The following QTGAL variants were observed in gnomAD, a reference collection of about 807,000 sequenced individuals.
The protein encoded by QTGAL is BGnT-like protein 1.
At chr17:83,038,750 T>G in the QTGAL span, among the ~76,000 whole-genome samples, 2 of 151,960 alleles carry the variant, frequency 1.3e-5, no homozygotes, top group Non-Finnish European at 2.9e-5. Flanking sequence ...TCCCAGCTAC[T>G]TGGGAGGCTG....
chr17:83,006,170 A>T, the QTGAL span: 1 of 986,420 alleles, frequency 1.0e-6, no homozygotes, highest in Non-Finnish European at 1.2e-6. The surrounding 1 kb of genome is among the most constrained non-coding windows in gnomAD (Gnocchi z 5.8). Context: ...AGGAGACAAT[A>T]GTGAAAATGT....
the QTGAL span, among the ~76,000 whole-genome samples, chr17:83,007,660 T>C: frequency 6.6e-6 from 1 of 152,110 alleles, no homozygotes; most frequent in African/African-American, 2.4e-5. Flanking sequence ...CGGGGGCTGA[T>C]TGACGCCTGC....
the QTGAL span, among the ~76,000 whole-genome samples, chr17:82,979,126 G>A: frequency 6.6e-6 from 1 of 152,002 alleles, no homozygotes; most frequent in African/African-American, 2.4e-5. Flanking sequence ...AAACAATCAG[G>A]CAGAAATGAA....
the QTGAL span, among the ~76,000 whole-genome samples, chr17:82,957,965 G>T: frequency 6.6e-6 from 1 of 152,118 alleles, no homozygotes; most frequent in Non-Finnish European, 1.5e-5. Flanking sequence ...CCTCTGCTGT[G>T]ACAAGTCGAC....
chr17:83,022,347 G>A, the QTGAL span, among the ~76,000 whole-genome samples: 1 of 110,226 alleles, frequency 9.1e-6, no homozygotes, highest in South Asian at 3.8e-4. Flanking sequence ...CTGCACCAGC[G>A]TGAACTCACG....
At chr17:83,048,383 A>T in the QTGAL span, 1 of 1,203,034 alleles carries the variant, frequency 8.3e-7, no homozygotes. Context: ...ACTTTTTGTC[A>T]GTATTTGAAC....
chr17:83,045,112 T>G, the QTGAL span, among the ~76,000 whole-genome samples: 4,644 of 152,256 alleles, frequency 0.031, 246 homozygotes, highest in African/African-American at 0.11. Flanking sequence ...AGGTCAACAC[T>G]AAGAGAAATC....
chr17:83,021,783 T>A, the QTGAL span, among the ~76,000 whole-genome samples: 1 of 152,236 alleles, frequency 6.6e-6, no homozygotes, highest in African/African-American at 2.4e-5. Context: ...ACACTGTAGC[T>A]TTATTACTGC....
chr17:83,032,859 T>C, the QTGAL span, among the ~76,000 whole-genome samples: 6 of 152,288 alleles, frequency 3.9e-5, no homozygotes, highest in Admixed American at 3.3e-4. Context: ...GCTGGGCCGA[T>C]AAATATGCAG....
chr17:83,018,830 G>A, the QTGAL span, among the ~76,000 whole-genome samples: 1 of 152,236 alleles, frequency 6.6e-6, no homozygotes, highest in Non-Finnish European at 1.5e-5. Flanking sequence ...TGGCAGGGCT[G>A]GGGCGAGGCT....
At chr17:83,026,768 G>C in the QTGAL span, among the ~76,000 whole-genome samples, 72 of 78,380 alleles carry the variant, frequency 9.2e-4, no homozygotes, top group South Asian at 1.3e-3. Flanking sequence ...ACACACAGAG[G>C]AGGGCGGGGA....
chr17:82,950,764 G>A, the QTGAL span, among the ~76,000 whole-genome samples: 1 of 152,222 alleles, frequency 6.6e-6, no homozygotes, highest in Admixed American at 6.5e-5. Context: ...GCTCCTGGGT[G>A]ACCAGGTGCA....
the QTGAL span, among the ~76,000 whole-genome samples, chr17:82,965,251 G>A: frequency 6.6e-6 from 1 of 151,878 alleles, no homozygotes; most frequent in Non-Finnish European, 1.5e-5. Flanking sequence ...TGGGGGGGAC[G>A]GGGACACAGA....
chr17:83,028,529 A>AG, the QTGAL span, among the ~76,000 whole-genome samples: 4 of 151,124 alleles, frequency 2.6e-5, no homozygotes, highest in Admixed American at 1.3e-4. Context: ...TCTCAAAAAA[A>AG]AAAAAAAAAG....
the QTGAL span, among the ~76,000 whole-genome samples, chr17:83,039,152 T>C: frequency 0.18 from 25,339 of 142,482 alleles, 2,517 homozygotes; most frequent in Non-Finnish European, 0.22. Context: ...CTCACCTCCC[T>C]GGGTGCATTT....
the QTGAL span, among the ~76,000 whole-genome samples, chr17:82,990,246 T>C: frequency 6.6e-6 from 1 of 152,268 alleles, no homozygotes; most frequent in South Asian, 2.1e-4. Context: ...AGTGTCTTCT[T>C]ATCCTACTAT....
At chr17:82,986,948 T>A in the QTGAL span, among the ~76,000 whole-genome samples, 1 of 152,206 alleles carries the variant, frequency 6.6e-6, no homozygotes, top group Non-Finnish European at 1.5e-5. Context: ...CGCTCCTCCC[T>A]GTCCCACTAA....
At chr17:83,018,574 C>T in the QTGAL span, among the ~76,000 whole-genome samples, 3 of 152,014 alleles carry the variant, frequency 2.0e-5, no homozygotes, top group African/African-American at 7.2e-5. Context: ...TTCTTAATAC[C>T]CAAAGTCTCG....
At chr17:82,996,319 T>C in the QTGAL span, among the ~76,000 whole-genome samples, 1,840 of 152,152 alleles carry the variant, frequency 0.012, 42 homozygotes, top group African/African-American at 0.042. Context: ...GTCAGGAGTT[T>C]GAGACCAGCC....
Sources: allele counts gnomAD v4.1 joint callset (sites outside exome capture counted in the v4.1 genomes callset), GRCh38; gene constraint gnomAD v4.1.1; non-coding constraint Gnocchi (gnomAD v3.1); transcripts MANE v1.5; gene names NCBI Gene and HGNC (gene_info 2026-07-23, HGNC 2026-07-21).